SNTB1: variants seen among roughly 807,000 people sequenced by gnomAD.
SNTB1 encodes syntrophin beta 1.
In SNTB1, 36 loss-of-function variants were observed where a neutral mutation model predicts 48.9. The ratio of observed to expected loss-of-function variants is 0.74; its 90% CI spans 0.56 to 0.97. The LOEUF (loss-of-function observed/expected upper bound fraction) is 0.97, where lower values mean the gene tolerates loss of function less well. SNTB1 is among the 50% of genes least tolerant of loss of function. The pLI, the probability that SNTB1 is intolerant of heterozygous loss-of-function variation, is 0.00. For synonymous variants in SNTB1, 299 were observed against 294.6 expected (o/e 1.01, Z -0.15); for missense variants, 786 against 703.4 (o/e 1.12, Z -1.33).
At chr8:120,718,380 G>A (rs1818598910) in intron 1 of SNTB1, among the ~76,000 whole-genome samples, 1 of 152,218 alleles carries the variant, frequency 6.6e-6, no homozygotes, top group African/African-American at 2.4e-5. Context: ...ATGTTTCAGT[G>A]CCTATGGAAC....
At chr8:120,779,980 C>T (rs28607826) in intron 1 of SNTB1, among the ~76,000 whole-genome samples, 32,226 of 151,284 alleles carry the variant, frequency 0.21, 3,487 homozygotes, top group Middle Eastern at 0.27. Flanking sequence ...GAGTAGAGAC[C>T]GGTGGGGGCT....
chr8:120,632,823 C>T (rs570546820), intron 2 of SNTB1, among the ~76,000 whole-genome samples, 172 bp from the exon 3 acceptor site: 1 of 152,288 alleles, frequency 6.6e-6, no homozygotes, highest in Non-Finnish European at 1.5e-5. Context: ...AATTCATCCA[C>T]GCATATTTAC....
intron 1 of SNTB1, among the ~76,000 whole-genome samples, chr8:120,715,082 A>C (rs1019968042): frequency 2.6e-5 from 4 of 152,248 alleles, no homozygotes; most frequent in African/African-American, 9.6e-5. Flanking sequence ...CAACTGTAGA[A>C]GTTATAGCCA....
intron 2 of SNTB1, among the ~76,000 whole-genome samples, chr8:120,692,188 C>A (rs753576121): frequency 6.6e-6 from 1 of 152,078 alleles, no homozygotes; most frequent in Non-Finnish European, 1.5e-5. Context: ...CTGGCCAGAG[C>A]CAGAAGGGCC....
chr8:120,566,543 G>C, intron 4 of SNTB1, among the ~76,000 whole-genome samples: 1 of 152,022 alleles, frequency 6.6e-6, no homozygotes, highest in Admixed American at 6.6e-5. Flanking sequence ...AAATTACCCA[G>C]GCTAAGGTAT....
At chr8:120,726,321 C>T (rs1368300854) in intron 1 of SNTB1, among the ~76,000 whole-genome samples, 1 of 152,134 alleles carries the variant, frequency 6.6e-6, no homozygotes, top group South Asian at 2.1e-4. Context: ...ACATTGCTGA[C>T]TGGAGAGGAT....
Position 120,669,293 on chromosome 8 carries a change from C to T in SNTB1, c.788+24399G>A, listed in dbSNP as rs148074460. ...GTGAATTTAATTAATTTCACTAGCA[C>T]CATCCCCTCCTTAGTAAATTCCTCA... On this transcript the variant is annotated intron_variant, in intron 2 of 6. Coordinates refer to ENST00000517992, the MANE Select transcript of SNTB1 (RefSeq NM_021021.4). Among the ~76,000 whole-genome samples the T allele has an allele frequency of 2.6e-4, 39 of 152,304 alleles. No individual in the cohort carries two copies. The East Asian group carries it at 7.3e-3, about 29-fold the overall frequency.
At chr8:120,701,591 C>A (rs1818309817) in intron 1 of SNTB1, among the ~76,000 whole-genome samples, 1 of 152,208 alleles carries the variant, frequency 6.6e-6, no homozygotes, top group African/African-American at 2.4e-5. Flanking sequence ...TTAACCAAAA[C>A]CTACAGGCAC....
At chr8:120,668,654 A>T (rs1350865352) in intron 2 of SNTB1, among the ~76,000 whole-genome samples, 4 of 152,224 alleles carry the variant, frequency 2.6e-5, no homozygotes, top group Admixed American at 2.6e-4. Context: ...AAATACAGAT[A>T]ATTGGAAGGG....
chr8:120,765,241 C>A lies in SNTB1; in HGVS notation c.571+46032G>T, dbSNP rs189915702. Among the ~76,000 whole-genome samples, 284 of 152,040 alleles carry A rather than the reference C, an allele frequency of 1.9e-3. 3 individuals carry two copies. Among genetic ancestry groups the A allele is most frequent in the Admixed American group, 0.014 (210 of 15,254 alleles). Reference sequence around the variant, plus strand: ...CTCTGTCTCAAAAACAAAACAAAACCAAACCAAAAAAACTGAAAAACTCAC... The same window carrying A: ...CTCTGTCTCAAAAACAAAACAAAACAAAACCAAAAAAACTGAAAAACTCAC... On this transcript the variant is annotated intron_variant, in intron 1 of 6. Coordinates refer to ENST00000517992, the MANE Select transcript of SNTB1 (RefSeq NM_021021.4).
chr8:120,693,024 A>G (rs1818153821), intron 2 of SNTB1, among the ~76,000 whole-genome samples: 1 of 152,142 alleles, frequency 6.6e-6, no homozygotes. Flanking sequence ...CTTCAGGGAG[A>G]TTCCACTCAT....
chr8:120,551,650 C>T (rs976628264), intron 4 of SNTB1, among the ~76,000 whole-genome samples: 1 of 144,838 alleles, frequency 6.9e-6, no homozygotes, highest in Non-Finnish European at 1.5e-5. Context: ...TGCTTGAACC[C>T]GGGAGGCAGA....
chr8:120,727,620 T>C (rs1482454952), intron 1 of SNTB1, among the ~76,000 whole-genome samples: 1 of 152,220 alleles, frequency 6.6e-6, no homozygotes, highest in Non-Finnish European at 1.5e-5. Context: ...TTTCATCATA[T>C]GTAGACTATT....
intron 1 of SNTB1, among the ~76,000 whole-genome samples, chr8:120,709,144 T>G (rs1818422880): frequency 6.6e-6 from 1 of 151,994 alleles, no homozygotes; most frequent in Admixed American, 6.6e-5. Context: ...GGCAAGAAAG[T>G]GTAGGATAAA....
At chr8:120,649,577 A>C (rs1375301325) in intron 2 of SNTB1, among the ~76,000 whole-genome samples, 6 of 142,652 alleles carry the variant, frequency 4.2e-5, no homozygotes, top group East Asian at 2.1e-4. Flanking sequence ...CAAAGCTGTC[A>C]GACAGGGACA....
At chr8:120,691,268 C>T (rs865913856) in intron 2 of SNTB1, among the ~76,000 whole-genome samples, 12 of 152,180 alleles carry the variant, frequency 7.9e-5, no homozygotes, top group South Asian at 6.2e-4. Flanking sequence ...CCTACAATGT[C>T]TCAGTAAGCT....
At chr8:120,804,718 G>T (rs534194662) in intron 1 of SNTB1, among the ~76,000 whole-genome samples, 11 of 151,734 alleles carry the variant, frequency 7.2e-5, no homozygotes, top group Admixed American at 7.2e-4. Context: ...TCTGTAATAC[G>T]CCCCCCCAAG....
intron 2 of SNTB1, chr8:120,654,820 A>T (rs990921830): frequency 6.9e-5 from 24 of 347,078 alleles, no homozygotes; most frequent in African/African-American, 5.3e-4. Flanking sequence ...GAAGCCTCCT[A>T]CTACGAAATT....
At chr8:120,637,229 C>G (rs1433561651) in intron 2 of SNTB1, 1 of 345,080 alleles carries the variant, frequency 2.9e-6, no homozygotes, top group Non-Finnish European at 5.7e-6. Flanking sequence ...CAGGATTCTA[C>G]CATAACAAAA....
Sources: gnomAD v4.1 joint callset for allele counts (sites outside exome capture counted in the v4.1 genomes callset) on GRCh38, gnomAD v4.1.1 for gene constraint, MANE v1.5 for transcripts, NCBI Gene and HGNC (gene_info 2026-07-23, HGNC 2026-07-21) for gene names.